The following ANKRD24 variants were observed in gnomAD, a reference collection of about 807,000 sequenced individuals.
The protein encoded by ANKRD24 is ankyrin repeat domain-containing protein 24.
In ANKRD24, 109 loss-of-function variants were observed where a neutral mutation model predicts 127.8. That is an observed-to-expected ratio of 0.85 (90% CI 0.73 to 1.00). The LOEUF is 1.00. ANKRD24 is among the 50% of genes least tolerant of loss of function. ANKRD24 has a pLI of 0.00. For synonymous variants in ANKRD24, 743 were observed against 671.1 expected, an observed-to-expected ratio of 1.11 and a Z score of -1.66; for missense variants, 1,648 against 1,570.2, an observed-to-expected ratio of 1.05 and a Z score of -0.84.
At chr19:4,184,191 G>A (rs1345970495) in intron 1 of ANKRD24, among the ~76,000 whole-genome samples, 1 of 152,214 alleles carries the variant, frequency 6.6e-6, no homozygotes, top group African/African-American at 2.4e-5. Flanking sequence ...CCTGCTCAGA[G>A]CCGATCAGGT....
chr19:4,200,203 G>A (rs758201281), intron 5 of ANKRD24, 32 bp downstream of exon 5: 3 of 1,562,124 alleles, frequency 1.9e-6, no homozygotes, highest in Admixed American at 3.7e-5. Flanking sequence ...GGAGGGAGGA[G>A]GAACTAAGCC....
intron 20 of ANKRD24, among the ~76,000 whole-genome samples, chr19:4,223,791 C>T (rs989810432): frequency 6.6e-6 from 1 of 151,990 alleles, no homozygotes; most frequent in African/African-American, 2.4e-5. Context: ...GTCTTGATCT[C>T]TTGACCCTGT....
Position 4,195,508 on chromosome 19 carries a change from A to G in ANKRD24, c.37-4175A>G, listed in dbSNP as rs1968674874. Among the ~76,000 whole-genome samples the G allele has an allele frequency of 1.3e-5, 2 of 152,114 alleles. No individual in the cohort carries two copies. Among genetic ancestry groups the G allele is most frequent in the South Asian group, 4.1e-4 (2 of 4,828 alleles). ...AGGACCTCCCCACCCCCAAGGGTGGAAGGAGAGAAGAGTTCCAAGGACACC... is the reference window on the plus strand; with the variant it reads ...AGGACCTCCCCACCCCCAAGGGTGGGAGGAGAGAAGAGTTCCAAGGACACC... On this transcript the variant is annotated intron_variant, in intron 2 of 21. Coordinates refer to ENST00000318934, the MANE Select transcript of ANKRD24 (RefSeq NM_001393985.1). This position sits in a 1 kb window ranked among gnomAD's most constrained non-coding sequence, Gnocchi z 4.2.
chr19:4,208,853 C>T (rs1170251791), intron 11 of ANKRD24, 52 bp downstream of exon 11: 4 of 1,572,456 alleles, frequency 2.5e-6, no homozygotes, highest in Non-Finnish European at 3.5e-6. Flanking sequence ...TCCACACTAA[C>T]TTCTCCCCTG....
In ANKRD24 at chr19:4,199,905, C is replaced by G; in HGVS notation, c.154C>G (p.Leu52Val). 6.4e-7 allele frequency: 1 copy of G among 1,570,584 alleles called. No homozygotes were observed. The highest frequency in any genetic ancestry group is 8.6e-7 in the Non-Finnish European group (1 of 1,159,058). ...AGACTGGGGCAAGAGTGACGAGAGG[C>G]TGCTACAAGCCGTGGAAAACAACGA... Reference protein sequence around the residue: ...SQDWGKSDERLLQAVENNDAP... With the variant: ...SQDWGKSDERVLQAVENNDAP... Residue 52 changes from leucine (L) to valine (V), a missense_variant, in exon 4 of 22, where the codon CTG becomes GTG. Coordinates refer to ENST00000318934, the MANE Select transcript of ANKRD24 (RefSeq NM_001393985.1). This position sits in a 1 kb window ranked among gnomAD's most constrained non-coding sequence, Gnocchi z 5.2.
At chr19:4,187,283 G>A (rs1968118018) in intron 2 of ANKRD24, among the ~76,000 whole-genome samples, 2 of 152,184 alleles carry the variant, frequency 1.3e-5, no homozygotes, top group Admixed American at 1.3e-4. Flanking sequence ...CACGGTGGCG[G>A]GCACCTGTAA....
chr19:4,202,497 G>A (rs1969148187), intron 6 of ANKRD24, among the ~76,000 whole-genome samples: 1 of 152,162 alleles, frequency 6.6e-6, no homozygotes, highest in South Asian at 2.1e-4. Flanking sequence ...TTGAACTTGG[G>A]AGGCGGAGGT....
chr19:4,184,726 G>A (rs1967957424), intron 1 of ANKRD24, among the ~76,000 whole-genome samples: 1 of 152,174 alleles, frequency 6.6e-6, no homozygotes, highest in South Asian at 2.1e-4. Context: ...GAAGAAAAAA[G>A]GGTAGGTAGT....
rs200681953 is a variant in ANKRD24, at chr19:4,216,411, A to G, written c.1389+9A>G. ...TGATGGAGAAGGTCCAGGTAGGGAAAGTGAGGCTGGGGACAGATCTGAGGA... is the reference window on the plus strand; with the variant it reads ...TGATGGAGAAGGTCCAGGTAGGGAAGGTGAGGCTGGGGACAGATCTGAGGA... On this transcript the variant is annotated intron_variant, in intron 17 of 21. Coordinates refer to ENST00000318934, the MANE Select transcript of ANKRD24 (RefSeq NM_001393985.1). 408 of 1,561,932 alleles carry G rather than the reference A, an allele frequency of 2.6e-4. 2 individuals carry two copies. The African/African-American group carries it at 5.1e-3, about 19-fold the overall frequency.
chr19:4,208,057 C>A, intron 10 of ANKRD24, 89 bp downstream of exon 10: 2 of 1,316,448 alleles, frequency 1.5e-6, no homozygotes, highest in Non-Finnish European at 1.0e-6. Flanking sequence ...TTCAAGGTAC[C>A]CCCGATTGGC....
At chr19:4,194,450 GC>G (rs1968582990) in intron 2 of ANKRD24, among the ~76,000 whole-genome samples, 1 of 152,162 alleles carries the variant, frequency 6.6e-6, no homozygotes, top group African/African-American at 2.4e-5. Context: ...ACCGCACCTA[GC>G]CAGAAATGTG....
At position 4,195,750 on chromosome 19, in the gene ANKRD24, T is replaced by C. The variant is rs1027052678; in HGVS notation, c.37-3933T>C. Among the ~76,000 whole-genome samples, 6 of 152,006 alleles carry C rather than the reference T, an allele frequency of 3.9e-5. No homozygotes were observed. Among genetic ancestry groups the C allele is most frequent in the East Asian group, 1.9e-4 (1 of 5,164 alleles). On this transcript the variant is annotated intron_variant, in intron 2 of 21. Coordinates refer to ENST00000318934, the MANE Select transcript of ANKRD24 (RefSeq NM_001393985.1). The surrounding 1 kb of genome is among the most constrained non-coding windows in gnomAD (Gnocchi z 4.2). ...TCTCTACTAAAATACAAAAATTCGC[T>C]AGGCGTGGTGGCGTGTGCCTGTAAT...
intron 2 of ANKRD24, among the ~76,000 whole-genome samples, chr19:4,193,112 C>T (rs1378165448): frequency 6.6e-6 from 1 of 151,416 alleles, no homozygotes; most frequent in African/African-American, 2.4e-5. Context: ...ACCAGCCTGG[C>T]CAACACAGCA....
At chr19:4,201,545 A>G (rs1187505265) in intron 5 of ANKRD24, among the ~76,000 whole-genome samples, 1 of 152,080 alleles carries the variant, frequency 6.6e-6, no homozygotes, top group Non-Finnish European at 1.5e-5. Flanking sequence ...CAGACTAGCC[A>G]TGGCTTAGAG....
intron 2 of ANKRD24, among the ~76,000 whole-genome samples, chr19:4,197,654 CGAAT>C (rs58639859): frequency 0.016 from 2,379 of 151,124 alleles, 61 homozygotes; most frequent in African/African-American, 0.054. Flanking sequence ...AGTAAATGAA[CGAAT>C]GAATGAATGA....
rs913166495 is a variant in ANKRD24, at chr19:4,212,209, GATAA to G, written c.1060-250_1060-247del. Among the ~76,000 whole-genome samples, 22 of 151,684 alleles carry G rather than the reference GATAA, an allele frequency of 1.5e-4. No homozygotes were observed. In the East Asian group the frequency reaches 2.9e-3, roughly 20 times the overall value. On this transcript the variant is annotated intron_variant, in intron 13 of 21. Transcript: ENST00000318934. ...AGTGAGATTCCATCTCAAAAAAAAA[GATAA>G]ATAAATAAATAAATAGGAATGAATG... is the stretch of plus-strand genomic sequence containing the variant.
chr19:4,219,838 T>TGCAA, intron 19 of ANKRD24, 80 bp downstream of exon 19: 1 of 1,423,812 alleles, frequency 7.0e-7, no homozygotes, highest in Non-Finnish European at 9.3e-7. Flanking sequence ...AGGTCCTCAC[T>TGCAA]GCAAGGGCCT....
At position 4,224,555 on chromosome 19, in the gene ANKRD24, A is replaced by C. The variant is rs1599480471; in HGVS notation, c.*50A>C. 2.0e-5 allele frequency: 31 copies of C among 1,529,566 alleles called. No individual in the cohort carries two copies. The highest frequency in any genetic ancestry group is 2.5e-5 in the Non-Finnish European group (28 of 1,123,110). The allele number at this position is 1,529,566 out of a possible 1,614,324, so 94.7% of individuals were successfully genotyped here. On this transcript the variant is annotated 3_prime_UTR_variant, in exon 22 of 22. Coordinates refer to ENST00000318934, the MANE Select transcript of ANKRD24 (RefSeq NM_001393985.1). ...CTGACCACACCCACGCAGGGACCTC[A>C]CCCCCCTGCAGGCCCCTTGCAGACC...
In ANKRD24 at chr19:4,182,719, A is replaced by C; in HGVS notation, c.-58A>C. 11 of 1,404,624 alleles carry C rather than the reference A, an allele frequency of 7.8e-6. No individual in the cohort carries two copies. The South Asian group carries it at 1.7e-4, about 22-fold the overall frequency. The allele number at this position is 1,404,624 out of a possible 1,614,324, so 87.0% of individuals were successfully genotyped here. A position where few individuals can be genotyped will look rare whatever the true frequency, so the allele number is the denominator to read the frequency against. ...CGACATGTTATCTGCTGTCAGAAGG[A>C]AGCCTGCCTCTTTGCATGCAGGTGT... On this transcript the variant is annotated 5_prime_UTR_variant, in exon 1 of 22. Transcript: ENST00000318934.
Sources: gnomAD v4.1 joint callset for allele counts (sites outside exome capture counted in the v4.1 genomes callset) on GRCh38, gnomAD v4.1.1 for gene constraint, Gnocchi (gnomAD v3.1) non-coding constraint, MANE v1.5 for transcripts, NCBI Gene and HGNC (gene_info 2026-07-23, HGNC 2026-07-21) for gene names.